The following MBD5 variants were observed in gnomAD, a reference collection of about 807,000 sequenced individuals.
The protein encoded by MBD5 is methyl-CpG binding domain protein 5.
MBD5 carries 13 observed loss-of-function variants against 117.3 expected under a neutral mutation model. That is an observed-to-expected ratio of 0.11 (90% CI 0.07 to 0.18). MBD5 has a LOEUF of 0.18. MBD5 is among the 10% of genes least tolerant of loss of function. The pLI is 1.00. For missense variants in MBD5, 1,879 were observed against 2,093.8 expected (o/e 0.90, Z 2.00); for synonymous variants, 727 against 766.4 (o/e 0.95, Z 0.85).
chr2:148,257,776 TC>T (rs1558993972), intron 3 of MBD5, among the ~76,000 whole-genome samples: 1 of 152,182 alleles, frequency 6.6e-6, no homozygotes, highest in Non-Finnish European at 1.5e-5. Context: ...TTGTTGCCTG[TC>T]CCATGTGAAG....
At chr2:148,106,909 A>G (rs1425700052) in intron 1 of MBD5, among the ~76,000 whole-genome samples, 1 of 151,974 alleles carries the variant, frequency 6.6e-6, no homozygotes, top group Non-Finnish European at 1.5e-5. Flanking sequence ...TATAACATTT[A>G]TATTCCTTAG....
intron 1 of MBD5, among the ~76,000 whole-genome samples, chr2:148,100,295 C>T (rs972729733): frequency 1.6e-4 from 24 of 152,184 alleles, no homozygotes; most frequent in Admixed American, 1.3e-4. Context: ...ACATTAACTT[C>T]CCCTTGGCTT....
intron 1 of MBD5, among the ~76,000 whole-genome samples, chr2:148,084,392 C>T (rs1695725812): frequency 6.6e-6 from 1 of 152,172 alleles, no homozygotes; most frequent in Admixed American, 6.5e-5. Flanking sequence ...ACAATTTTGA[C>T]AGACCTCAGG....
At chr2:148,435,655 C>T (rs7600240) in intron 4 of MBD5, among the ~76,000 whole-genome samples, 150,456 of 152,240 alleles carry the variant, frequency 0.99, 74,376 homozygotes, top group East Asian at 1. Flanking sequence ...CTGCCCCTTA[C>T]CTCTAGCTGC....
At chr2:148,407,369 T>TG (rs2105143983) in intron 4 of MBD5, among the ~76,000 whole-genome samples, 2 of 150,670 alleles carry the variant, frequency 1.3e-5, no homozygotes, top group South Asian at 4.2e-4. Flanking sequence ...TGTGTGTGTG[T>TG]TTGTGTGTGT....
chr2:148,280,203 A>T (rs1454120937), intron 3 of MBD5, among the ~76,000 whole-genome samples: 1 of 150,520 alleles, frequency 6.6e-6, no homozygotes, highest in African/African-American at 2.4e-5. Context: ...ACATATGTGG[A>T]CTATATTATT....
chr2:148,128,342 A>G (rs1696952254), intron 1 of MBD5, among the ~76,000 whole-genome samples: 1 of 152,226 alleles, frequency 6.6e-6, no homozygotes, highest in African/African-American at 2.4e-5. Context: ...TGCATATAAT[A>G]TATATGCTAT....
At chr2:148,377,444 C>T (rs1051196835) in intron 4 of MBD5, among the ~76,000 whole-genome samples, 12 of 152,180 alleles carry the variant, frequency 7.9e-5, no homozygotes, top group African/African-American at 2.9e-4. Flanking sequence ...ATCAAGTTGA[C>T]ACTCAGTATT....
At chr2:148,448,074 A>G (rs970812340) in intron 4 of MBD5, among the ~76,000 whole-genome samples, 3 of 152,162 alleles carry the variant, frequency 2.0e-5, no homozygotes, top group East Asian at 3.9e-4. Flanking sequence ...CATCATTCCA[A>G]TGAGCAGTCA....
chr2:148,057,349 G>A (rs1164406277), intron 1 of MBD5, among the ~76,000 whole-genome samples: 2 of 150,798 alleles, frequency 1.3e-5, no homozygotes, highest in African/African-American at 4.9e-5. Context: ...AAGTACTTAC[G>A]GCCATTAATT....
chr2:148,513,123 T>A lies in MBD5; in HGVS notation c.*182T>A. 1.6e-6 allele frequency: 1 copy of A among 621,040 alleles called. No homozygotes were observed. Among genetic ancestry groups the A allele is most frequent in the Non-Finnish European group, 2.8e-6 (1 of 350,886 alleles). 38.5% of individuals were successfully genotyped at this position (621,040 alleles called of 1,614,324 possible). A position where few individuals can be genotyped will look rare whatever the true frequency, so the allele number is the denominator to read the frequency against. On this transcript the variant is annotated 3_prime_UTR_variant, in exon 14 of 14. Coordinates refer to ENST00000642680, the MANE Select transcript of MBD5 (RefSeq NM_001378120.1). ...TTTTTTGATCAGGAAGGATAATGAA[T>A]GCTGGAAAAGCCAATCAAAGTCTCT... is the stretch of plus-strand genomic sequence containing the variant.
intron 3 of MBD5, among the ~76,000 whole-genome samples, chr2:148,286,464 TCTGTTTATTTAGGTAAG>T (rs1320611363): frequency 6.6e-6 from 1 of 152,186 alleles, no homozygotes; most frequent in East Asian, 1.9e-4. Flanking sequence ...TTTGCAGACC[TCTGTTTATTTAGGTAAG>T]CTGTAATCAC....
intron 3 of MBD5, chr2:148,265,065 G>GCGCACACA (rs1553491525): frequency 1.1e-5 from 1 of 91,524 alleles, no homozygotes. Flanking sequence ...GTAGACACAC[G>GCGCACACA]CACACACACA....
At chr2:148,400,355 A>G (rs1369866488) in intron 4 of MBD5, among the ~76,000 whole-genome samples, 2 of 152,278 alleles carry the variant, frequency 1.3e-5, no homozygotes, top group East Asian at 1.9e-4. Flanking sequence ...TTAATTCTCT[A>G]TTACCAGTGC....
At chr2:148,482,664 G>A (rs1050714636) in intron 8 of MBD5, among the ~76,000 whole-genome samples, 2 of 151,984 alleles carry the variant, frequency 1.3e-5, no homozygotes, top group Admixed American at 1.3e-4. Context: ...CTAAAAGGAA[G>A]TAGTAGTTTT....
At chr2:148,259,400 C>T (rs973924940) in intron 3 of MBD5, among the ~76,000 whole-genome samples, 1 of 152,216 alleles carries the variant, frequency 6.6e-6, no homozygotes, top group South Asian at 2.1e-4. Context: ...GACCCATCTA[C>T]CTCTGCCCAT....
rs1436470530 is a variant in MBD5, at chr2:148,469,871, C to T, written c.1928C>T (p.Ala643Val). The T allele has an allele frequency of 4.3e-6, 7 of 1,613,830 alleles. No individual in the cohort carries two copies. Among genetic ancestry groups the T allele is most frequent in the Non-Finnish European group, 5.9e-6 (7 of 1,179,918 alleles). ...PTGEGQSGRAALRDKLMSQQK... is the reference protein window; with the variant it reads ...PTGEGQSGRAVLRDKLMSQQK... ...GGTGAAGGGCAAAGTGGTCGAGCAG[C>T]ACTAAGAGATAAGCTGATGTCTCAG... The change falls in exon 8 of 14, where the codon GCA becomes GTA. Residue 643 changes from alanine (A) to valine (V), a missense_variant. This residue lies in a region of MBD5 where 1,666 missense variants were observed against 1,792.2 expected (regional missense o/e 0.93). Transcript: ENST00000642680.
chr2:148,504,063 G>A (rs933578103), intron 12 of MBD5, among the ~76,000 whole-genome samples: 1 of 152,114 alleles, frequency 6.6e-6, no homozygotes, highest in African/African-American at 2.4e-5. Flanking sequence ...CCATGTATTT[G>A]CTATTAAGCA....
intron 4 of MBD5, among the ~76,000 whole-genome samples, chr2:148,354,985 A>G (rs1052791602): frequency 3.3e-5 from 5 of 151,388 alleles, no homozygotes; most frequent in Non-Finnish European, 1.5e-5. Flanking sequence ...GAGATGGTAT[A>G]TCATTGTGGT....
Sources: gnomAD v4.1 joint callset for allele counts (sites outside exome capture counted in the v4.1 genomes callset) on GRCh38, gnomAD v4.1.1 for gene constraint, gnomAD v4.1.1 regional missense constraint, MANE v1.5 for transcripts, NCBI Gene and HGNC (gene_info 2026-07-23, HGNC 2026-07-21) for gene names.